COL23A1: variants seen among roughly 807,000 people sequenced by gnomAD.
COL23A1 encodes the protein collagen type XXIII alpha 1 chain.
Under a neutral mutation model 99.3 loss-of-function variants are expected in COL23A1, and 97 were observed. The observed-to-expected ratio is 0.98, with a 90% CI of 0.83 to 1.16. The LOEUF (loss-of-function observed/expected upper bound fraction) is 1.16, where lower values mean the gene tolerates loss of function less well. Ranked by LOEUF, COL23A1 falls within the 50% of genes most tolerant of loss-of-function variation. The pLI is 0.00. For missense variants in COL23A1, 762 were observed against 757.4 expected (o/e 1.01, Z -0.07); for synonymous variants, 320 against 308.2 (o/e 1.04, Z -0.40).
At chr5:178,410,553 G>C (rs1765007654) in intron 2 of COL23A1, among the ~76,000 whole-genome samples, 1 of 152,186 alleles carries the variant, frequency 6.6e-6, no homozygotes, top group Admixed American at 6.5e-5. Flanking sequence ...TGAGAATTGA[G>C]AGTCAAACTC....
At chr5:178,315,932 G>A (rs1363660025) in intron 2 of COL23A1, among the ~76,000 whole-genome samples, 1 of 151,942 alleles carries the variant, frequency 6.6e-6, no homozygotes, top group Non-Finnish European at 1.5e-5. Context: ...AAATTATTAC[G>A]AGGTAAACAA....
At chr5:178,265,852 T>C (rs116342830) in intron 8 of COL23A1, 107 of 218,870 alleles carry the variant, frequency 4.9e-4, no homozygotes, top group African/African-American at 2.4e-3. Flanking sequence ...GGTGATCAGG[T>C]GTGCAGACTC....
At chr5:178,529,459 C>T (rs867909776) in intron 2 of COL23A1, among the ~76,000 whole-genome samples, 1 of 152,082 alleles carries the variant, frequency 6.6e-6, no homozygotes, top group African/African-American at 2.4e-5. Flanking sequence ...CACTGAGGTG[C>T]AGGGAGGAAT....
intron 2 of COL23A1, among the ~76,000 whole-genome samples, chr5:178,481,557 C>T (rs912077216): frequency 6.6e-6 from 1 of 151,994 alleles, no homozygotes; most frequent in Non-Finnish European, 1.5e-5. Context: ...AAAAAATGGG[C>T]AAAGAGCTTA....
At chr5:178,557,053 G>A (rs1581632848) in intron 2 of COL23A1, among the ~76,000 whole-genome samples, 1 of 152,210 alleles carries the variant, frequency 6.6e-6, no homozygotes, top group African/African-American at 2.4e-5. Context: ...AGTTCTAGGG[G>A]CAAGAAGTCC....
chr5:178,535,801 C>T (rs559696109), intron 2 of COL23A1, among the ~76,000 whole-genome samples: 14 of 152,252 alleles, frequency 9.2e-5, no homozygotes, highest in South Asian at 2.1e-4. Flanking sequence ...CCAGCCCCAT[C>T]GTGGAGAGGG....
intron 1 of COL23A1, among the ~76,000 whole-genome samples, chr5:178,572,594 T>C (rs262064): frequency 0.15 from 22,759 of 152,232 alleles, 3,334 homozygotes; most frequent in African/African-American, 0.37. Context: ...GAATCTGAAA[T>C]GATGCGATGG....
intron 3 of COL23A1, among the ~76,000 whole-genome samples, chr5:178,291,058 G>A (rs1756912795): frequency 6.6e-6 from 1 of 152,236 alleles, no homozygotes; most frequent in African/African-American, 2.4e-5. Context: ...TAACGCAGAG[G>A]CTCACAGAGC....
Position 178,493,421 on chromosome 5 carries a change from G to A in COL23A1, c.361+67261C>T, listed in dbSNP as rs537299185. ...ACAGGTAGGGTCAAGGGTGCCGCTG[G>A]CAAGTAGGACCTACCCTATGGTGCC... On this transcript the variant is annotated intron_variant, in intron 2 of 28. Transcript: ENST00000390654. Among the ~76,000 whole-genome samples, 5 of 152,348 alleles carry A rather than the reference G, an allele frequency of 3.3e-5. No individual in the cohort carries two copies. In the East Asian group the frequency reaches 9.6e-4, roughly 29 times the overall value.
At chr5:178,290,931 G>A (rs1757422605) in intron 3 of COL23A1, among the ~76,000 whole-genome samples, 1 of 152,144 alleles carries the variant, frequency 6.6e-6, no homozygotes, top group Non-Finnish European at 1.5e-5. Flanking sequence ...ACCCTTATGA[G>A]GCCCACAGGG....
chr5:178,545,365 G>A (rs1286805478), intron 2 of COL23A1, among the ~76,000 whole-genome samples: 1 of 152,166 alleles, frequency 6.6e-6, no homozygotes, highest in Admixed American at 6.5e-5. Context: ...CGGACAACAG[G>A]CCACTTCAAG....
At chr5:178,256,530 T>A in intron 14 of COL23A1, 133 bp from the exon 15 acceptor site, 1 of 757,614 alleles carries the variant, frequency 1.3e-6, no homozygotes, top group Non-Finnish European at 2.0e-6. Flanking sequence ...GCCAAATGTA[T>A]GAGAACAGCA....
chr5:178,241,912 G>T, intron 27 of COL23A1, 130 bp downstream of exon 27: 1 of 680,344 alleles, frequency 1.5e-6, no homozygotes, highest in Non-Finnish European at 2.5e-6. Flanking sequence ...CCCTGACAGT[G>T]AGGAAGGCCA....
chr5:178,493,504 G>GCCA (rs1758042474), intron 2 of COL23A1, among the ~76,000 whole-genome samples: 1 of 152,232 alleles, frequency 6.6e-6, no homozygotes, highest in Admixed American at 6.5e-5. Flanking sequence ...CTCCAGGTCA[G>GCCA]CCACCTGCCC....
chr5:178,465,539 C>T (rs1378894287), intron 2 of COL23A1, among the ~76,000 whole-genome samples: 1 of 152,198 alleles, frequency 6.6e-6, no homozygotes, highest in Admixed American at 6.5e-5. Context: ...GGAGGCCCTC[C>T]TGGTGGACAG....
intron 25 of COL23A1, among the ~76,000 whole-genome samples, chr5:178,244,054 A>G (rs954825194): frequency 1.3e-5 from 2 of 151,840 alleles, no homozygotes; most frequent in African/African-American, 4.8e-5. Flanking sequence ...ATCTCAGCTC[A>G]TTGCAAGCTC....
chr5:178,548,229 C>A (rs906247433), intron 2 of COL23A1, among the ~76,000 whole-genome samples: 1 of 151,654 alleles, frequency 6.6e-6, no homozygotes, highest in Admixed American at 6.6e-5. Flanking sequence ...ATCACTGTGA[C>A]AAATGCCCAC....
At chr5:178,244,954 GCC>G (rs1359965410) in intron 25 of COL23A1, among the ~76,000 whole-genome samples, 1 of 141,410 alleles carries the variant, frequency 7.1e-6, no homozygotes, top group African/African-American at 2.6e-5. Flanking sequence ...TCCCTCCACT[GCC>G]ATCATCATCC....
chr5:178,384,852 G>A lies in COL23A1; in HGVS notation c.362-77933C>T, dbSNP rs377586591. On this transcript the variant is annotated intron_variant, in intron 2 of 28. Transcript: ENST00000390654. The surrounding 1 kb of genome is among the most constrained non-coding windows in gnomAD (Gnocchi z 5.5). ...CTTTTCCTAAAGCATTAAAAGGTCC[G>A]TAACAGAAAAGCGGGAAATAGCCTG... 7.9e-5 allele frequency among the ~76,000 whole-genome samples: 12 copies of A among 152,218 alleles called. No individual in the cohort carries two copies. The highest frequency in any genetic ancestry group is 2.1e-4 in the South Asian group (1 of 4,838).
Sources: allele counts gnomAD v4.1 joint callset (sites outside exome capture counted in the v4.1 genomes callset), GRCh38; gene constraint gnomAD v4.1.1; non-coding constraint Gnocchi (gnomAD v3.1); transcripts MANE v1.5; gene names NCBI Gene and HGNC (gene_info 2026-07-23, HGNC 2026-07-21).